CAMTA1: variants seen among roughly 807,000 people sequenced by gnomAD.
The protein encoded by CAMTA1 is calmodulin binding transcription activator 1.
A neutral mutation model predicts 170.9 loss-of-function variants in CAMTA1; 27 were observed. That is an observed-to-expected ratio of 0.16 (90% CI 0.12 to 0.22). CAMTA1 has a LOEUF of 0.22. CAMTA1 is among the 10% of genes least tolerant of loss of function. The probability of loss-of-function intolerance (pLI) is 1.00; values close to 1 mark genes in which losing one functional copy is unlikely to be tolerated. For synonymous variants in CAMTA1, 833 were observed against 891.5 expected (o/e 0.93, Z 1.17); for missense variants, 1,619 against 2,217.2 (o/e 0.73, Z 5.42).
chr1:7,329,936 C>T (rs941559003), intron 5 of CAMTA1, among the ~76,000 whole-genome samples: 1 of 152,026 alleles, frequency 6.6e-6, no homozygotes, highest in African/African-American at 2.4e-5. Flanking sequence ...AAGGCTCTCT[C>T]TCCCACAGAC....
chr1:6,965,262 C>G lies in CAMTA1; in HGVS notation c.235-126042C>G, dbSNP rs1308607845. 6.6e-6 allele frequency among the ~76,000 whole-genome samples: 1 copy of G among 151,390 alleles called. No homozygotes were observed. Among genetic ancestry groups the G allele is most frequent in the East Asian group, 1.9e-4 (1 of 5,174 alleles). On this transcript the variant is annotated intron_variant, in intron 3 of 22. Transcript: ENST00000303635. The surrounding 1 kb of genome is among the most constrained non-coding windows in gnomAD (Gnocchi z 4.1). ...GTGTGCATGTGTGTGGGCACGTGCT[C>G]CTGGGGGCATGCACATGTTTAAGTG...
At chr1:7,467,798 C>T in intron 5 of CAMTA1, 32 bp from the exon 6 acceptor site, 2 of 1,572,348 alleles carry the variant, frequency 1.3e-6, no homozygotes, top group Non-Finnish European at 1.8e-6. Flanking sequence ...TCCCTCTTTC[C>T]AACTGAATTC....
At chr1:7,740,113 C>A (rs1001946221) in intron 16 of CAMTA1, among the ~76,000 whole-genome samples, 2 of 152,096 alleles carry the variant, frequency 1.3e-5, no homozygotes, top group Admixed American at 1.3e-4. Context: ...TTGGTGGGGA[C>A]ACAGCCAAAC....
intron 6 of CAMTA1, among the ~76,000 whole-genome samples, chr1:7,623,710 C>A (rs1405196051): frequency 6.6e-6 from 1 of 152,246 alleles, no homozygotes; most frequent in African/African-American, 2.4e-5. Flanking sequence ...GTTGGCCAGG[C>A]TGGTCTCAAA....
intron 3 of CAMTA1, among the ~76,000 whole-genome samples, chr1:7,036,719 T>C (rs1703648626): frequency 6.6e-6 from 1 of 152,234 alleles, no homozygotes; most frequent in Non-Finnish European, 1.5e-5. Context: ...TCCAAACCTA[T>C]TTTCGGGCAT....
chr1:6,901,703 AC>A (rs905175221), intron 3 of CAMTA1, among the ~76,000 whole-genome samples: 5 of 152,072 alleles, frequency 3.3e-5, no homozygotes, highest in Non-Finnish European at 7.4e-5. Context: ...CCAAAATAAA[AC>A]CAAAAAGACC....
chr1:7,200,781 T>C (rs1031374407), intron 4 of CAMTA1, among the ~76,000 whole-genome samples: 3 of 152,232 alleles, frequency 2.0e-5, no homozygotes, highest in Non-Finnish European at 1.5e-5. Context: ...GTTTCTCTAC[T>C]GGAAAGTACT....
At chr1:6,915,391 A>G (rs1680566516) in intron 3 of CAMTA1, among the ~76,000 whole-genome samples, 1 of 152,096 alleles carries the variant, frequency 6.6e-6, no homozygotes, top group African/African-American at 2.4e-5. Context: ...TGCATTTTAT[A>G]ATTTCCCTGT....
At chr1:7,196,402 G>C (rs1013633011) in intron 4 of CAMTA1, among the ~76,000 whole-genome samples, 1 of 152,166 alleles carries the variant, frequency 6.6e-6, no homozygotes, top group Non-Finnish European at 1.5e-5. Flanking sequence ...TACAGTATGT[G>C]TGAAGAAAAC....
chr1:6,929,332 A>T (rs1012703376), intron 3 of CAMTA1, among the ~76,000 whole-genome samples: 4 of 147,898 alleles, frequency 2.7e-5, no homozygotes, highest in Middle Eastern at 3.5e-3. Flanking sequence ...GGCGCATACC[A>T]CCATGCCCAG....
At chr1:7,053,386 C>T (rs549817265) in intron 3 of CAMTA1, among the ~76,000 whole-genome samples, 305 of 152,304 alleles carry the variant, frequency 2.0e-3, no homozygotes, top group African/African-American at 7.0e-3. Context: ...AGGTGTGATG[C>T]GGGAGCGTGG....
At chr1:7,359,239 C>G (rs959054941) in intron 5 of CAMTA1, among the ~76,000 whole-genome samples, 2 of 87,032 alleles carry the variant, frequency 2.3e-5, no homozygotes, top group Non-Finnish European at 5.7e-5. Context: ...GGGGAGCCAG[C>G]CTTTCCTCAT....
At chr1:7,424,023 G>A (rs1160750668) in intron 5 of CAMTA1, among the ~76,000 whole-genome samples, 3 of 152,112 alleles carry the variant, frequency 2.0e-5, no homozygotes, top group Admixed American at 6.5e-5. Flanking sequence ...AGCACCATGC[G>A]GCACCTTTCT....
intron 5 of CAMTA1, among the ~76,000 whole-genome samples, chr1:7,349,292 A>C (rs2084463900): frequency 6.6e-6 from 1 of 152,184 alleles, no homozygotes; most frequent in Admixed American, 6.5e-5. Context: ...CAGAGCATCC[A>C]ATGGGGCACC....
chr1:7,725,278 C>T (rs943311408), intron 11 of CAMTA1, among the ~76,000 whole-genome samples: 4 of 152,120 alleles, frequency 2.6e-5, no homozygotes, highest in African/African-American at 7.2e-5. Flanking sequence ...ACACGAGAGG[C>T]GGAGACAGAC....
intron 5 of CAMTA1, among the ~76,000 whole-genome samples, chr1:7,364,042 C>T (rs2085774447): frequency 6.6e-6 from 1 of 152,176 alleles, no homozygotes; most frequent in East Asian, 1.9e-4. Flanking sequence ...AGTGCCTCTT[C>T]CAGGGTAGCT....
At chr1:7,035,902 A>G (rs1344843235) in intron 3 of CAMTA1, among the ~76,000 whole-genome samples, 1 of 152,254 alleles carries the variant, frequency 6.6e-6, no homozygotes. Context: ...AGCAGTTGAA[A>G]TGAATAAGCT....
At position 7,435,753 on chromosome 1, in the gene CAMTA1, G is replaced by A. The variant is rs899892431; in HGVS notation, c.439-32077G>A. Reference sequence around the variant, plus strand: ...CATTGTCACGGTGGCACAGGGGCCCGCCTATCTGAAGTCAGGGCAATCCAC... The same window carrying A: ...CATTGTCACGGTGGCACAGGGGCCCACCTATCTGAAGTCAGGGCAATCCAC... On this transcript the variant is annotated intron_variant, in intron 5 of 22. Transcript: ENST00000303635. The surrounding 1 kb of genome is among the most constrained non-coding windows in gnomAD (Gnocchi z 4.4). Among the ~76,000 whole-genome samples the A allele has an allele frequency of 3.9e-5, 6 of 152,160 alleles. No homozygotes were observed. Among genetic ancestry groups the A allele is most frequent in the Admixed American group, 2.6e-4 (4 of 15,282 alleles).
In CAMTA1 at chr1:7,216,887, GT is replaced by G. The variant is rs1301556948; in HGVS notation, c.303-32603del. Among the ~76,000 whole-genome samples the G allele has an allele frequency of 6.6e-6, 1 of 152,114 alleles. No homozygotes were observed. The highest frequency in any genetic ancestry group is 1.5e-5 in the Non-Finnish European group (1 of 68,018). On this transcript the variant is annotated intron_variant, in intron 4 of 22. Coordinates refer to ENST00000303635, the MANE Select transcript of CAMTA1 (RefSeq NM_015215.4). The surrounding 1 kb of genome is among the most constrained non-coding windows in gnomAD (Gnocchi z 4.0). ...TACTCATTATGGTTATATTTTTATTGTGGAATGTGATTTTTAGCATTAGAAG... is the reference window on the plus strand; with the variant it reads ...TACTCATTATGGTTATATTTTTATTGGGAATGTGATTTTTAGCATTAGAAG...
Sources: gnomAD v4.1 joint callset for allele counts (sites outside exome capture counted in the v4.1 genomes callset) on GRCh38, gnomAD v4.1.1 for gene constraint, Gnocchi (gnomAD v3.1) non-coding constraint, MANE v1.5 for transcripts, NCBI Gene and HGNC (gene_info 2026-07-23, HGNC 2026-07-21) for gene names.